KAT2B: variants seen among roughly 807,000 people sequenced by gnomAD.
KAT2B encodes the protein histone acetyltransferase KAT2B.
KAT2B carries 36 observed loss-of-function variants against 105.9 expected under a neutral mutation model. The observed-to-expected ratio is 0.34, with a 90% confidence interval of 0.26 to 0.45. The LOEUF is 0.45. Among genes scored for constraint, KAT2B ranks in the 20% least tolerant of loss-of-function variants. The probability of loss-of-function intolerance (pLI) is 1.00; values close to 1 mark genes in which losing one functional copy is unlikely to be tolerated. For missense variants in KAT2B, 820 were observed against 1,021.6 expected, an observed-to-expected ratio of 0.80 and a Z score of 2.69; for synonymous variants, 397 against 377.9, an observed-to-expected ratio of 1.05 and a Z score of -0.59.
chr3:20,050,705 C>CT (rs769997231), intron 1 of KAT2B, among the ~76,000 whole-genome samples: 8,165 of 142,434 alleles, frequency 0.057, 462 homozygotes, highest in South Asian at 0.31. Flanking sequence ...TGGGATGAAT[C>CT]TTTTTTTTTT....
rs1699183079 is a variant in KAT2B at position 20,115,105 on chromosome 3, C to A, written c.1150+117C>A. ...AGTCAAATGAGCTTAGCTCTATAGTCAAATGCTGGCTATTTTCAAACCCAA... is the reference window on the plus strand; with the variant it reads ...AGTCAAATGAGCTTAGCTCTATAGTAAAATGCTGGCTATTTTCAAACCCAA... On this transcript the variant is annotated intron_variant, in intron 7 of 17. Coordinates refer to ENST00000263754, the MANE Select transcript of KAT2B (RefSeq NM_003884.5). 9.4e-6 allele frequency: 6 copies of A among 641,062 alleles called. No individual in the cohort carries two copies. In the East Asian group the frequency reaches 1.3e-4, roughly 14 times the overall value. 39.7% of individuals were successfully genotyped at this position (641,062 alleles called of 1,614,324 possible). A position where few individuals can be genotyped will look rare whatever the true frequency, so the allele number is the denominator to read the frequency against.
chr3:20,042,883 A>G (rs1027434413), intron 1 of KAT2B, among the ~76,000 whole-genome samples: 14 of 151,840 alleles, frequency 9.2e-5, no homozygotes, highest in African/African-American at 3.1e-4. Context: ...AACAAGAGAA[A>G]GAGAAAATTT....
chr3:20,140,379 G>C lies in KAT2B; in HGVS notation c.2004+15G>C. 1 of 1,612,998 alleles carries C rather than the reference G, an allele frequency of 6.2e-7. No homozygotes were observed. The highest frequency in any genetic ancestry group is 2.2e-5 in the East Asian group (1 of 44,868). On this transcript the variant is annotated intron_variant, in intron 13 of 17. Coordinates refer to ENST00000263754, the MANE Select transcript of KAT2B (RefSeq NM_003884.5). ...AGCAGAAGGAGGTAAGCAGGTGGTT[G>C]ACTCCCTTACCTTCTGTACAGGCCA...
At chr3:20,133,821 G>A (rs776493805) in intron 11 of KAT2B, among the ~76,000 whole-genome samples, 13 of 152,170 alleles carry the variant, frequency 8.5e-5, no homozygotes, top group East Asian at 1.9e-4. Flanking sequence ...GTATTTGCAC[G>A]CCGTCAAGTG....
intron 1 of KAT2B, among the ~76,000 whole-genome samples, chr3:20,062,214 T>C (rs1295062383): frequency 1.4e-5 from 1 of 69,586 alleles, no homozygotes; most frequent in Non-Finnish European, 2.5e-5. Context: ...ATATAAAATA[T>C]ATTATATATA....
At chr3:20,109,856 A>G (rs1247802874) in intron 5 of KAT2B, among the ~76,000 whole-genome samples, 1 of 152,186 alleles carries the variant, frequency 6.6e-6, no homozygotes, top group South Asian at 2.1e-4. Context: ...TATTAAAGGA[A>G]AAAAGTTGAG....
intron 2 of KAT2B, among the ~76,000 whole-genome samples, chr3:20,090,783 G>A (rs868116471): frequency 6.6e-6 from 1 of 152,096 alleles, no homozygotes; most frequent in South Asian, 2.1e-4. Context: ...CATAAAGGCT[G>A]GAGTATAGTG....
At chr3:20,045,762 C>G (rs1054301042) in intron 1 of KAT2B, among the ~76,000 whole-genome samples, 3 of 152,194 alleles carry the variant, frequency 2.0e-5, no homozygotes, top group Admixed American at 6.5e-5. Flanking sequence ...GGATATCCAG[C>G]TCTGCAACCT....
chr3:20,107,944 G>C (rs1429679418), intron 5 of KAT2B, among the ~76,000 whole-genome samples: 6 of 151,360 alleles, frequency 4.0e-5, no homozygotes, highest in Admixed American at 6.6e-5. Context: ...AAGTAGCTGG[G>C]ACTACAGGCG....
chr3:20,074,581 C>A (rs1698385202), intron 2 of KAT2B, among the ~76,000 whole-genome samples: 1 of 152,130 alleles, frequency 6.6e-6, no homozygotes, highest in South Asian at 2.1e-4. Context: ...TATCAGGGTT[C>A]TTTTACTTCA....
intron 2 of KAT2B, among the ~76,000 whole-genome samples, chr3:20,093,871 C>T (rs1208385732): frequency 6.6e-6 from 1 of 152,078 alleles, no homozygotes; most frequent in Non-Finnish European, 1.5e-5. Context: ...ATGATTCCAG[C>T]CCAGAGAAGT....
chr3:20,107,626 C>T (rs2125162958), intron 5 of KAT2B, among the ~76,000 whole-genome samples: 1 of 141,680 alleles, frequency 7.1e-6, no homozygotes, highest in East Asian at 2.1e-4. Flanking sequence ...CATTGCCCTC[C>T]AGCCTGGGGC....
Position 20,040,586 on chromosome 3 carries a change from C to G in KAT2B, c.109C>G (p.Pro37Ala). The change falls in exon 1 of 18, where the codon CCG (proline) becomes GCG (alanine). Residue 37 changes from proline (P) to alanine (A), a missense_variant. Pro to Ala is a conservative substitution (Grantham distance 27, BLOSUM62 -1). Around this residue, in one of 6 missense-constraint regions of KAT2B, gnomAD observed 190 missense variants for 176.7 expected, o/e 1.08. Coordinates refer to ENST00000263754, the MANE Select transcript of KAT2B (RefSeq NM_003884.5). ...PQPAALPPAP[P>A]QGSPCAAAAG... Reference sequence around the variant, plus strand: ...GCCTGCGGCGCTTCCGCCCGCGCCCCCGCAGGGCTCCCCCTGCGCCGCTGC... The same window carrying G: ...GCCTGCGGCGCTTCCGCCCGCGCCCGCGCAGGGCTCCCCCTGCGCCGCTGC... The G allele has an allele frequency of 8.5e-7, 1 of 1,181,354 alleles. No homozygotes were observed. Among genetic ancestry groups the G allele is most frequent in the African/African-American group, 1.6e-5 (1 of 61,946 alleles). 73.2% of individuals were successfully genotyped at this position (1,181,354 alleles called of 1,614,324 possible). A position where few individuals can be genotyped will look rare whatever the true frequency, so the allele number is the denominator to read the frequency against.
chr3:20,133,486 T>C (rs556781749), intron 11 of KAT2B, among the ~76,000 whole-genome samples: 1 of 152,350 alleles, frequency 6.6e-6, no homozygotes, highest in East Asian at 1.9e-4. Context: ...GGAATTTCTA[T>C]TAATGCTGAT....
At chr3:20,049,920 C>T (rs1697885394) in intron 1 of KAT2B, among the ~76,000 whole-genome samples, 1 of 152,308 alleles carries the variant, frequency 6.6e-6, no homozygotes, top group Middle Eastern at 3.4e-3. Flanking sequence ...AGAAGTCCAG[C>T]TGGGCACCGT....
At chr3:20,151,911 G>A (rs942775691) in intron 17 of KAT2B, among the ~76,000 whole-genome samples, 19 of 152,106 alleles carry the variant, frequency 1.2e-4, no homozygotes, top group African/African-American at 4.1e-4. Flanking sequence ...AACAAATGCA[G>A]TCTGATTGTT....
intron 5 of KAT2B, among the ~76,000 whole-genome samples, chr3:20,101,816 C>T (rs569751312): frequency 6.6e-6 from 1 of 152,226 alleles, no homozygotes; most frequent in South Asian, 2.1e-4. Context: ...AATGATAGTA[C>T]ATTGGATACA....
chr3:20,126,191 C>T, intron 10 of KAT2B, 78 bp downstream of exon 10: 3 of 1,196,886 alleles, frequency 2.5e-6, no homozygotes, highest in Admixed American at 2.0e-5. Flanking sequence ...TGAAAGTCAG[C>T]CATAGTCATC....
chr3:20,047,079 C>A (rs376888447), intron 1 of KAT2B, among the ~76,000 whole-genome samples: 2 of 151,800 alleles, frequency 1.3e-5, no homozygotes, highest in African/African-American at 2.4e-5. Context: ...TTTTGCCCCC[C>A]CCTTTTTTTT....
Sources: gnomAD v4.1 joint callset for allele counts (sites outside exome capture counted in the v4.1 genomes callset) on GRCh38, gnomAD v4.1.1 for gene constraint, gnomAD v4.1.1 regional missense constraint, MANE v1.5 for transcripts, NCBI Gene and HGNC (gene_info 2026-07-23, HGNC 2026-07-21) for gene names.